Variants in PPL observed in about 807,000 individuals in gnomAD.
The protein encoded by PPL is 190 kDa paraneoplastic pemphigus antigen.
A neutral mutation model predicts 194.4 loss-of-function variants in PPL; 198 were observed. That is an observed-to-expected ratio of 1.02 (90% CI 0.91 to 1.15). PPL has a LOEUF of 1.15. PPL is among the 50% of genes most tolerant of loss of function. PPL has a pLI of 0.00. For missense variants in PPL, 2,885 were observed against 2,294.8 expected, an observed-to-expected ratio of 1.26 and a Z score of -5.25; for synonymous variants, 1,220 against 972.4, an observed-to-expected ratio of 1.25 and a Z score of -4.74.
chr16:4,884,679 C>T lies in PPL; in HGVS notation c.3976G>A (p.Glu1326Lys). Residue 1326 changes from glutamate (E) to lysine (K), a missense_variant, in exon 22 of 22, where the codon GAG (glutamate) becomes AAG (lysine). Glu to Lys is a moderately conservative substitution (Grantham distance 56). Transcript: ENST00000345988. This position sits in a 1 kb window ranked among gnomAD's most constrained non-coding sequence, Gnocchi z 5.7. Reference protein sequence around the residue: ...SEEQKKQVDLERERASQEEQI... With the variant: ...SEEQKKQVDLKRERASQEEQI... ...TCTTCCTGGGAAGCTCTTTCCCTCT[C>T]CAGATCCACTTGTTTCTTCTGCTCC... 2 of 1,614,146 alleles carry T rather than the reference C, an allele frequency of 1.2e-6. No homozygotes were observed. Among genetic ancestry groups the T allele is most frequent in the Non-Finnish European group, 1.7e-6 (2 of 1,180,030 alleles).
chr16:4,890,298 C>T lies in PPL; in HGVS notation c.2199G>A (p.Glu733=). The part of the protein sequence containing the change: ...QSLQSAKAAY[E]HFHRGHDHVL... ...CGTGGTCATGGCCGCGGTGGAAGTG[C>T]TCGTAGGCTGCCTTGGCGCTCTGTA... The change falls in exon 18 of 22, where the codon GAG becomes GAA. Residue 733 remains glutamate (E), a synonymous_variant. Transcript: ENST00000345988. 1 of 1,614,090 alleles carries T rather than the reference C, an allele frequency of 6.2e-7. No individual in the cohort carries two copies. Among genetic ancestry groups the T allele is most frequent in the Non-Finnish European group, 8.5e-7 (1 of 1,180,008 alleles).
At chr16:4,911,863 G>T (rs1255879594) in intron 1 of PPL, among the ~76,000 whole-genome samples, 1 of 151,948 alleles carries the variant, frequency 6.6e-6, no homozygotes, top group African/African-American at 2.4e-5. Context: ...GAGAGATAGG[G>T]TCTCACTCTG....
In PPL at chr16:4,884,869, G is replaced by T. The variant is rs369389969; in HGVS notation, c.3786C>A (p.Ile1262=). 2 of 1,613,928 alleles carry T rather than the reference G, an allele frequency of 1.2e-6. No homozygotes were observed. The highest frequency in any genetic ancestry group is 1.7e-6 in the Non-Finnish European group (2 of 1,179,996). The change falls in exon 22 of 22, where the codon ATC becomes ATA. Residue 1262 remains isoleucine, a synonymous_variant. Coordinates refer to ENST00000345988, the MANE Select transcript of PPL (RefSeq NM_002705.5). This position sits in a 1 kb window ranked among gnomAD's most constrained non-coding sequence, Gnocchi z 5.7. ...GGTAGATCTCTAAATCACACCTTTC[G>T]ATCAGTCTGGTCTTGTCCACGATCT... ...REEIVDKTRL[I]ERCDLEIYQL...
At position 4,883,913 on chromosome 16, in the gene PPL, C is replaced by T. The variant is rs774239543; in HGVS notation, c.4742G>A (p.Arg1581Lys). 8 of 1,614,034 alleles carry T rather than the reference C, an allele frequency of 5.0e-6. No homozygotes were observed. The South Asian group carries it at 8.8e-5, about 18-fold the overall frequency. ...TGCCATGTTGATTTCCGATTGGAGC[C>T]TTCGGGTCTCCAGCTGCAGGTTTTG... ...ERQNLQLETR[R>K]LQSEINMAAT... Residue 1581 changes from arginine to lysine, a missense_variant, in exon 22 of 22, where the codon AGG becomes AAG. Physicochemically the swap from Arg to Lys is conservative, Grantham distance 26. Coordinates refer to ENST00000345988, the MANE Select transcript of PPL (RefSeq NM_002705.5). This position sits in a 1 kb window ranked among gnomAD's most constrained non-coding sequence, Gnocchi z 4.8.
rs144843235 is a variant in PPL, at chr16:4,886,772, C to T, written c.2607+363G>A. Among the ~76,000 whole-genome samples the T allele has an allele frequency of 5.2e-3, 797 of 152,310 alleles. 5 individuals are homozygous for T. Among genetic ancestry groups the T allele is most frequent in the African/African-American group, 0.018 (762 of 41,556 alleles). On this transcript the variant is annotated intron_variant, in intron 21 of 21. Transcript: ENST00000345988. ...TAGCTGGGATTACAAGCATGCGCCA[C>T]GACGCCCAGCTAATTTTTGTATTTT...
At chr16:4,892,973 T>C in intron 14 of PPL, 1 of 472,026 alleles carries the variant, frequency 2.1e-6, no homozygotes, top group Non-Finnish European at 3.6e-6. Flanking sequence ...ATGCCAGGCG[T>C]CAGATCGACA....
At chr16:4,911,722 G>C (rs1338872252) in intron 1 of PPL, among the ~76,000 whole-genome samples, 1 of 151,728 alleles carries the variant, frequency 6.6e-6, no homozygotes, top group African/African-American at 2.4e-5. Flanking sequence ...TCTTTTGGTA[G>C]AGAAGGGGTT....
rs201356985 is a variant in PPL, at chr16:4,899,292, G to A, written c.699C>T (p.Ala233=). Reference sequence around the variant, plus strand: ...TCCAGTCGTACTGCATGCGGCCCTTGGCCTGCTGGTCCAGCCAGTACAGCT... The same window carrying A: ...TCCAGTCGTACTGCATGCGGCCCTTAGCCTGCTGGTCCAGCCAGTACAGCT... ...TNELYWLDQQ[A]KGRMQYDWSD... The change falls in exon 7 of 22, where the codon GCC becomes GCT. Residue 233 remains alanine, a synonymous_variant. Transcript: ENST00000345988. The A allele has an allele frequency of 1.6e-4, 264 of 1,613,754 alleles. 2 individuals carry two copies. The Admixed American group carries it at 4.3e-3, about 26-fold the overall frequency.
In PPL at chr16:4,884,325, T is replaced by C; in HGVS notation, c.4330A>G (p.Thr1444Ala). 1 of 1,613,084 alleles carries C rather than the reference T, an allele frequency of 6.2e-7. No individual in the cohort carries two copies. Among genetic ancestry groups the C allele is most frequent in the Non-Finnish European group, 8.5e-7 (1 of 1,179,786 alleles). Residue 1444 changes from threonine (T) to alanine (A), a missense_variant, in exon 22 of 22, where the codon ACG (threonine) becomes GCG (alanine). Transcript: ENST00000345988. This position sits in a 1 kb window ranked among gnomAD's most constrained non-coding sequence, Gnocchi z 5.7. ...TCCTGCTGCAGCACCACCTTCTGCGTATGGGTTACCTTCTCACGGGCCTCA... is the reference window on the plus strand; with the variant it reads ...TCCTGCTGCAGCACCACCTTCTGCGCATGGGTTACCTTCTCACGGGCCTCA... ...EAEAREKVTHTQKVVLQQDPQ... is the reference protein window; with the variant it reads ...EAEAREKVTHAQKVVLQQDPQ...
At chr16:4,912,226 C>A (rs972137253) in intron 1 of PPL, among the ~76,000 whole-genome samples, 19 of 152,216 alleles carry the variant, frequency 1.2e-4, no homozygotes, top group African/African-American at 4.6e-4. Flanking sequence ...CCCGCTCCAG[C>A]CCCTGGCAAC....
In PPL at chr16:4,884,029, G is replaced by C. The variant is rs778418822; in HGVS notation, c.4626C>G (p.Ala1542=). Residue 1542 remains alanine (A), a synonymous_variant, in exon 22 of 22, where the codon GCC becomes GCG. Coordinates refer to ENST00000345988, the MANE Select transcript of PPL (RefSeq NM_002705.5). The surrounding 1 kb of genome is among the most constrained non-coding windows in gnomAD (Gnocchi z 5.7). The stretch of plus-strand genomic sequence containing the variant: ...TATGGAATTCCAGCTCCGAAAGCCT[G>C]GCTTCCAGCCGGCTCACCTCGACGT... ...ELDVEVSRLE[A]RLSELEFHNS... 2.5e-6 allele frequency: 4 copies of C among 1,613,624 alleles called. No individual in the cohort carries two copies. Among genetic ancestry groups the C allele is most frequent in the Non-Finnish European group, 3.4e-6 (4 of 1,180,036 alleles).
chr16:4,927,523 G>T (rs1485068151), intron 1 of PPL, among the ~76,000 whole-genome samples: 1 of 152,196 alleles, frequency 6.6e-6, no homozygotes, highest in East Asian at 1.9e-4. Context: ...AAAGAAGCAA[G>T]ATGCCGAAGA....
At chr16:4,925,486 T>C (rs923147006) in intron 1 of PPL, among the ~76,000 whole-genome samples, 1 of 152,248 alleles carries the variant, frequency 6.6e-6, no homozygotes, top group African/African-American at 2.4e-5. Flanking sequence ...CCACCCTTAG[T>C]GTTACTGGGG....
In PPL at chr16:4,895,236, G is replaced by T. The variant is rs372331316; in HGVS notation, c.1242+25C>A. The T allele has an allele frequency of 5.0e-6, 8 of 1,588,848 alleles. No homozygotes were observed. The African/African-American group carries it at 9.5e-5, about 19-fold the overall frequency. On this transcript the variant is annotated intron_variant, in intron 11 of 21. Transcript: ENST00000345988. ...TACCCCAAAAACTTTGTAGTGATGT[G>T]AACAGAGGAGCTGGCCCCACGCACC...
chr16:4,931,568 C>T (rs892525311), intron 1 of PPL, among the ~76,000 whole-genome samples: 1 of 152,142 alleles, frequency 6.6e-6, no homozygotes, highest in African/African-American at 2.4e-5. Context: ...CCAAGACAGG[C>T]CGGGGCAGGC....
In PPL at chr16:4,884,970, T is replaced by A. The variant is rs746981859; in HGVS notation, c.3685A>T (p.Lys1229Ter). 1 of 1,614,154 alleles carries A rather than the reference T, an allele frequency of 6.2e-7. No homozygotes were observed. ...TTAATGACTTCCTTAGTCACCTCTT[T>A]GACTTCCACCTGGGGGCCTCGCCTC... Reference protein sequence around the residue: ...LRRRGPQVEVKEVTKEVIKYK... With the variant: ...LRRRGPQVEV The change falls in exon 22 of 22, where the codon AAA becomes TAA. Residue 1229 changes from lysine to a stop codon, truncating the protein, a stop_gained. Transcript: ENST00000345988. LOFTEE classifies it high-confidence loss of function. The surrounding 1 kb of genome is among the most constrained non-coding windows in gnomAD (Gnocchi z 5.7).
At chr16:4,913,403 G>C (rs1045778288) in intron 1 of PPL, among the ~76,000 whole-genome samples, 1 of 152,130 alleles carries the variant, frequency 6.6e-6, no homozygotes, top group Admixed American at 6.5e-5. Context: ...GTCCTTTCCC[G>C]GGGCCAGGGT....
chr16:4,924,957 CAG>C (rs771366336), intron 1 of PPL, among the ~76,000 whole-genome samples: 6 of 152,244 alleles, frequency 3.9e-5, no homozygotes, highest in African/African-American at 9.6e-5. Flanking sequence ...GCTCACAGCC[CAG>C]CCTGCACTCT....
intron 9 of PPL, 128 bp from the exon 10 acceptor site, chr16:4,895,844 C>T: frequency 1.5e-6 from 2 of 1,334,616 alleles, no homozygotes; most frequent in South Asian, 1.3e-5. Context: ...AGCATGGGAC[C>T]CTGTGCTGAG....
Sources: gnomAD v4.1 joint callset for allele counts (sites outside exome capture counted in the v4.1 genomes callset) on GRCh38, gnomAD v4.1.1 for gene constraint, Gnocchi (gnomAD v3.1) non-coding constraint, MANE v1.5 for transcripts, NCBI Gene and HGNC (gene_info 2026-07-23, HGNC 2026-07-21) for gene names.